The following PTPN13 variants were observed in gnomAD, a reference collection of about 807,000 sequenced individuals.
PTPN13 encodes the protein tyrosine-protein phosphatase non-receptor type 13.
In PTPN13, 191 loss-of-function variants were observed where a neutral mutation model predicts 284.0. The observed-to-expected ratio is 0.67, with a 90% CI of 0.60 to 0.76. PTPN13 has a LOEUF of 0.76. Among genes scored for constraint, PTPN13 ranks in the 30% least tolerant of loss-of-function variants. PTPN13 has a pLI of 0.00. For missense variants in PTPN13, 2,797 were observed against 2,939.9 expected (o/e 0.95, Z 1.12); for synonymous variants, 986 against 1,022.3 (o/e 0.96, Z 0.68).
intron 40 of PTPN13, among the ~76,000 whole-genome samples, chr4:86,791,764 G>A (rs999815765): frequency 6.6e-6 from 1 of 152,162 alleles, no homozygotes; most frequent in Non-Finnish European, 1.5e-5. Context: ...TGCAGCTGAG[G>A]GGCCTGTTAG....
chr4:86,770,126 C>T lies in PTPN13; in HGVS notation c.4730C>T (p.Thr1577Ile), dbSNP rs771450869. 9.9e-6 allele frequency: 16 copies of T among 1,613,732 alleles called. No homozygotes were observed. Among genetic ancestry groups the T allele is most frequent in the Non-Finnish European group, 1.4e-5 (16 of 1,179,752 alleles). Residue 1577 changes from threonine (T) to isoleucine (I), a missense_variant, in exon 30 of 48, where the codon ACT becomes ATT. Physicochemically the swap from Thr to Ile is moderately conservative, Grantham distance 89 (BLOSUM62 -1). Coordinates refer to ENST00000411767, the MANE Select transcript of PTPN13 (RefSeq NM_080683.3). ...QQEVISALRG[T>I]APEVFLLLCR... is the part of the protein sequence containing the mutation. The stretch of plus-strand genomic sequence containing the variant: ...GAAGTCATATCTGCTCTCAGGGGAA[C>T]TGCTCCAGAAGTATTCTTGCTTCTC...
chr4:86,766,498 C>G lies in PTPN13; in HGVS notation c.4310C>G (p.Thr1437Arg), dbSNP rs1739331690. ...GCCACCCATAAGCAAGCTGTGGAAA[C>G]ACTGAGAAATACAGGACAGGTAACA... The part of the protein sequence containing the change: ...EGATHKQAVE[T>R]LRNTGQVVHL... Residue 1437 changes from threonine to arginine, a missense_variant, in exon 27 of 48, where the codon ACA (threonine) becomes AGA (arginine). Transcript: ENST00000411767. The G allele has an allele frequency of 1.7e-5, 28 of 1,608,748 alleles. No individual in the cohort carries two copies. The highest frequency in any genetic ancestry group is 2.4e-5 in the Non-Finnish European group (28 of 1,178,140).
chr4:86,705,557 A>G (rs1246300762), intron 7 of PTPN13, among the ~76,000 whole-genome samples: 1 of 152,072 alleles, frequency 6.6e-6, no homozygotes, highest in Non-Finnish European at 1.5e-5. Flanking sequence ...TTCTTAAACT[A>G]TTTGTGTTTT....
rs1729734753 is a variant in PTPN13 at position 86,688,958 on chromosome 4, A to G, written c.361-47A>G. ...AGAATGATTTGTCTCATTAGAAAAA[A>G]TATTTGCTCACATTTACTCACTGGC... On this transcript the variant is annotated intron_variant, in intron 4 of 47. Coordinates refer to ENST00000411767, the MANE Select transcript of PTPN13 (RefSeq NM_080683.3). 2.1e-6 allele frequency: 3 copies of G among 1,446,434 alleles called. No individual in the cohort carries two copies. The East Asian group carries it at 6.9e-5, about 33-fold the overall frequency. 89.6% of individuals were successfully genotyped at this position (1,446,434 alleles called of 1,614,324 possible). A position where few individuals can be genotyped will look rare whatever the true frequency, so the allele number is the denominator to read the frequency against.
chr4:86,623,758 C>A (rs1418866830), intron 1 of PTPN13, among the ~76,000 whole-genome samples: 1 of 152,272 alleles, frequency 6.6e-6, no homozygotes, highest in Non-Finnish European at 1.5e-5. Context: ...ACTCTCTCAC[C>A]TCCTTTAGAA....
At chr4:86,787,315 G>A (rs1006689705) in intron 40 of PTPN13, among the ~76,000 whole-genome samples, 6 of 151,854 alleles carry the variant, frequency 4.0e-5, no homozygotes, top group Admixed American at 2.6e-4. Context: ...AGTCCTAGCC[G>A]GGCATGGTGG....
chr4:86,636,407 A>G (rs550915180), intron 2 of PTPN13, among the ~76,000 whole-genome samples: 1 of 152,290 alleles, frequency 6.6e-6, no homozygotes, highest in Non-Finnish European at 1.5e-5. Context: ...ATAGCACCTG[A>G]CCAAAACTTA....
At chr4:86,631,924 G>T (rs1012374044) in intron 1 of PTPN13, among the ~76,000 whole-genome samples, 4 of 152,014 alleles carry the variant, frequency 2.6e-5, no homozygotes, top group Non-Finnish European at 5.9e-5. Flanking sequence ...TGTCTCTTGT[G>T]CTCTCTATAT....
chr4:86,686,657 A>G, intron 3 of PTPN13, 53 bp from the exon 4 acceptor site: 1 of 1,202,842 alleles, frequency 8.3e-7, no homozygotes, highest in East Asian at 2.6e-5. Flanking sequence ...GCACTTGCTT[A>G]ATTTTCTATT....
chr4:86,599,207 A>G (rs1764087629), intron 1 of PTPN13, among the ~76,000 whole-genome samples: 1 of 152,228 alleles, frequency 6.6e-6, no homozygotes, highest in African/African-American at 2.4e-5. Context: ...AGACTCTACT[A>G]GAATAGAGTG....
intron 9 of PTPN13, among the ~76,000 whole-genome samples, chr4:86,717,994 T>A (rs1733219516): frequency 6.6e-6 from 1 of 152,168 alleles, no homozygotes; most frequent in Admixed American, 6.5e-5. Context: ...GTGTTAGTAT[T>A]ATGTTTGTGC....
chr4:86,691,539 C>T (rs1325591506), intron 5 of PTPN13, among the ~76,000 whole-genome samples: 1 of 152,154 alleles, frequency 6.6e-6, no homozygotes, highest in Non-Finnish European at 1.5e-5. Context: ...GAAGTAACTC[C>T]AACAGCTACT....
At chr4:86,673,587 G>A (rs1316731419) in intron 3 of PTPN13, among the ~76,000 whole-genome samples, 2 of 152,144 alleles carry the variant, frequency 1.3e-5, no homozygotes, top group Non-Finnish European at 2.9e-5. Context: ...TAGGCAGTGG[G>A]GATCTATCAT....
chr4:86,776,378 A>G (rs1165689428), intron 35 of PTPN13, among the ~76,000 whole-genome samples: 1 of 152,230 alleles, frequency 6.6e-6, no homozygotes, highest in Non-Finnish European at 1.5e-5. Context: ...ATCAGTTTTC[A>G]AAAGACTACA....
At chr4:86,813,975 T>C (rs953821412) in intron 47 of PTPN13, among the ~76,000 whole-genome samples, 12 of 150,030 alleles carry the variant, frequency 8.0e-5, no homozygotes, top group African/African-American at 2.9e-4. Context: ...ATTTTTATAA[T>C]ACCACACAAT....
In PTPN13 at chr4:86,803,765, C is replaced by T. The variant is rs1461688182; in HGVS notation, c.6562C>T (p.Pro2188Ser). 3.1e-6 allele frequency: 5 copies of T among 1,613,906 alleles called. No individual in the cohort carries two copies. The East Asian group carries it at 1.1e-4, about 36-fold the overall frequency. ...TGTACTCCCTGTCGTCAAAGTGCTT[C>T]CCTCTGGTAAATACACGGGTGCCAA... ...LAVLPVVKVLPSGKYTGANLK... is the reference protein window; with the variant it reads ...LAVLPVVKVLSSGKYTGANLK... The change falls in exon 43 of 48, where the codon CCC becomes TCC. Residue 2188 changes from proline to serine, a missense_variant. Pro to Ser is a moderately conservative substitution (Grantham distance 74). Transcript: ENST00000411767.
chr4:86,742,853 A>G (rs1736306551), intron 16 of PTPN13, among the ~76,000 whole-genome samples: 1 of 152,228 alleles, frequency 6.6e-6, no homozygotes, highest in South Asian at 2.1e-4. Flanking sequence ...AAGTCAAATA[A>G]TCACACAGCA....
At chr4:86,797,066 T>G (rs1743421650) in intron 41 of PTPN13, 137 bp downstream of exon 41, 6 of 681,818 alleles carry the variant, frequency 8.8e-6, no homozygotes, top group Non-Finnish European at 1.4e-5. Flanking sequence ...TAAGAATTTT[T>G]AAAATTTTCG....
intron 9 of PTPN13, among the ~76,000 whole-genome samples, chr4:86,721,058 T>C (rs2149085857): frequency 6.6e-6 from 1 of 152,116 alleles, no homozygotes; most frequent in Middle Eastern, 3.4e-3. Flanking sequence ...TGTTTCTGAC[T>C]CCAAACAGAG....
Sources: allele counts gnomAD v4.1 joint callset (sites outside exome capture counted in the v4.1 genomes callset), GRCh38; gene constraint gnomAD v4.1.1; transcripts MANE v1.5; gene names NCBI Gene and HGNC (gene_info 2026-07-23, HGNC 2026-07-21).